GID4: variants seen among roughly 807,000 people sequenced by gnomAD.
GID4 encodes GID complex subunit 4 homolog, also known as glucose-induced degradation protein 4 homolog.
Under a neutral mutation model 32.4 loss-of-function variants are expected in GID4, and 7 were observed. That is an observed-to-expected ratio of 0.22 (90% CI 0.12 to 0.41). GID4 has a LOEUF of 0.41. Among genes scored for constraint, GID4 ranks in the 10% least tolerant of loss-of-function variants. The pLI is 1.00. For missense variants in GID4, 309 were observed against 400.0 expected (o/e 0.77, Z 1.94); for synonymous variants, 166 against 170.0 (o/e 0.98, Z 0.18).
In GID4 at chr17:18,066,929, G is replaced by C. The variant is rs1394078229; in HGVS notation, c.*1686G>C. ...GAGGGGCAACCTACCCATTCAGGAA[G>C]GTCAGGGCTTTGGAACCCTAAAAAG... is the stretch of plus-strand genomic sequence containing the variant. On this transcript the variant is annotated 3_prime_UTR_variant, in exon 6 of 6. Transcript: ENST00000268719. The C allele has an allele frequency of 6.6e-6, 1 of 152,190 alleles. No homozygotes were observed. The highest frequency in any genetic ancestry group is 1.5e-5 in the Non-Finnish European group (1 of 68,052). 9.4% of individuals were successfully genotyped at this position (152,190 alleles called of 1,614,324 possible).
At chr17:18,057,195 G>T (rs1597697293) in intron 3 of GID4, 2 of 826,032 alleles carry the variant, frequency 2.4e-6, no homozygotes, top group East Asian at 5.6e-5. Flanking sequence ...ACTTTGGGAG[G>T]CCGAGGCAGA....
At chr17:18,059,836 A>G (rs937606000) in intron 4 of GID4, among the ~76,000 whole-genome samples, 2 of 152,048 alleles carry the variant, frequency 1.3e-5, no homozygotes, top group East Asian at 3.9e-4. Context: ...CTGTAATCCC[A>G]GCACTTTGGG....
intron 2 of GID4, among the ~76,000 whole-genome samples, chr17:18,052,745 A>C (rs901828391): frequency 6.6e-6 from 1 of 152,190 alleles, no homozygotes; most frequent in Non-Finnish European, 1.5e-5. Flanking sequence ...GCAATTAACA[A>C]AGCACCCAAG....
Position 18,058,869 on chromosome 17 carries a change from G to C in GID4, c.608G>C (p.Gly203Ala). The C allele has an allele frequency of 6.3e-7, 1 of 1,599,546 alleles. No individual in the cohort carries two copies. Among genetic ancestry groups the C allele is most frequent in the Non-Finnish European group, 8.6e-7 (1 of 1,167,010 alleles). ...ADEDVDRKHWGKFLAFYQYAK... is the reference protein window; with the variant it reads ...ADEDVDRKHWAKFLAFYQYAK... ...GCACACTCTCTTTTCTGCTTTCAGGGCAAGTTTCTGGCTTTTTATCAGTAT... is the reference window on the plus strand; with the variant it reads ...GCACACTCTCTTTTCTGCTTTCAGGCCAAGTTTCTGGCTTTTTATCAGTAT... Residue 203 changes from glycine to alanine, a missense_variant and splice_region_variant, in exon 4 of 6, where the codon GGC becomes GCC. By Grantham distance (60) the Gly-to-Ala change is moderately conservative (BLOSUM62 0). Coordinates refer to ENST00000268719, the MANE Select transcript of GID4 (RefSeq NM_024052.5).
At chr17:18,052,385 C>G (rs2044920006) in intron 2 of GID4, among the ~76,000 whole-genome samples, 1 of 152,206 alleles carries the variant, frequency 6.6e-6, no homozygotes, top group African/African-American at 2.4e-5. Context: ...GTGGCAGCCT[C>G]TCTCAGGAAG....
At position 18,039,423 on chromosome 17, in the gene GID4, T is replaced by G; in HGVS notation, c.-42T>G. The G allele has an allele frequency of 1.6e-5, 20 of 1,241,268 alleles. No individual in the cohort carries two copies. The highest frequency in any genetic ancestry group is 2.1e-5 in the Non-Finnish European group (20 of 931,478). The allele number at this position is 1,241,268 out of a possible 1,614,324, so 76.9% of individuals were successfully genotyped here. The stretch of plus-strand genomic sequence containing the variant: ...GGGGCGGGGTGTGTGTGTGTCTGTG[T>G]GTGTTTGTGTGTTGTGTGTCTGTGA... On this transcript the variant is annotated 5_prime_UTR_variant, in exon 1 of 6. Coordinates refer to ENST00000268719, the MANE Select transcript of GID4 (RefSeq NM_024052.5). This position sits in a 1 kb window ranked among gnomAD's most constrained non-coding sequence, Gnocchi z 5.3.
chr17:18,039,479 G>T lies in GID4; in HGVS notation c.15G>T (p.Gly5=), dbSNP rs1001096676. 6 of 1,335,652 alleles carry T rather than the reference G, an allele frequency of 4.5e-6. No homozygotes were observed. The highest frequency in any genetic ancestry group is 3.1e-5 in the African/African-American group (2 of 65,068). 82.7% of individuals were successfully genotyped at this position (1,335,652 alleles called of 1,614,324 possible). The change falls in exon 1 of 6, where the codon GGG becomes GGT. Residue 5 remains glycine, a synonymous_variant. Coordinates refer to ENST00000268719, the MANE Select transcript of GID4 (RefSeq NM_024052.5). This position sits in a 1 kb window ranked among gnomAD's most constrained non-coding sequence, Gnocchi z 5.3. MCAR[G]QVGRGTQLRT... ...TGTGTGTGTGTATGTGTGCGCGAGGGCAAGTCGGGAGGGGGACCCAGCTCA... is the reference window on the plus strand; with the variant it reads ...TGTGTGTGTGTATGTGTGCGCGAGGTCAAGTCGGGAGGGGGACCCAGCTCA...
chr17:18,061,619 C>T lies in GID4; in HGVS notation c.709-226C>T, dbSNP rs1179506571. On this transcript the variant is annotated intron_variant, in intron 4 of 5. Transcript: ENST00000268719. This position sits in a 1 kb window ranked among gnomAD's most constrained non-coding sequence, Gnocchi z 4.4. ...ATTGCTGATCCTAGTGAGCTCAAGACACAGTTTGTCACTTTAGTATATAGA... is the reference window on the plus strand; with the variant it reads ...ATTGCTGATCCTAGTGAGCTCAAGATACAGTTTGTCACTTTAGTATATAGA... Among the ~76,000 whole-genome samples, 1 of 152,184 alleles carries T rather than the reference C, an allele frequency of 6.6e-6. No homozygotes were observed. The highest frequency in any genetic ancestry group is 1.5e-5 in the Non-Finnish European group (1 of 68,028).
intron 2 of GID4, among the ~76,000 whole-genome samples, chr17:18,053,276 G>C (rs1222015257): frequency 3.3e-5 from 5 of 149,920 alleles, no homozygotes; most frequent in African/African-American, 1.2e-4. Flanking sequence ...GCCTCCCAAA[G>C]TGCTGGGATT....
intron 1 of GID4, among the ~76,000 whole-genome samples, chr17:18,044,799 CAG>C (rs1193569164): frequency 3.3e-5 from 5 of 152,188 alleles, no homozygotes; most frequent in Non-Finnish European, 7.3e-5. Context: ...CAGGCAGAGA[CAG>C]AGGCCCTGTG....
At chr17:18,055,112 A>T (rs567770889) in intron 3 of GID4, among the ~76,000 whole-genome samples, 25 of 151,100 alleles carry the variant, frequency 1.7e-4, no homozygotes, top group African/African-American at 5.8e-4. Context: ...CGGAGCTTGC[A>T]GTGAGCCGAG....
chr17:18,062,836 G>C (rs1387978960), intron 5 of GID4, among the ~76,000 whole-genome samples: 2 of 152,114 alleles, frequency 1.3e-5, no homozygotes. Context: ...AGCACTTTGG[G>C]AGGCCGAGGC....
intron 3 of GID4, chr17:18,056,705 C>T (rs1384846979): frequency 1.3e-6 from 2 of 1,548,904 alleles, no homozygotes; most frequent in East Asian, 2.4e-5. Context: ...TCCGTTAGAA[C>T]ATTGGAAGAT....
intron 3 of GID4, 45 bp downstream of exon 3, chr17:18,054,279 G>A (rs1198686420): frequency 8.4e-7 from 1 of 1,188,790 alleles, no homozygotes; most frequent in East Asian, 2.4e-5. Flanking sequence ...GGCTGCTAGA[G>A]AATTGAAGAA....
intron 1 of GID4, among the ~76,000 whole-genome samples, chr17:18,041,173 A>C (rs1307096361): frequency 6.6e-6 from 1 of 151,956 alleles, no homozygotes; most frequent in East Asian, 1.9e-4. Context: ...TCCCTCTGAA[A>C]GGCACTGTGT....
At chr17:18,059,869 A>G (rs2045003103) in intron 4 of GID4, among the ~76,000 whole-genome samples, 2 of 151,932 alleles carry the variant, frequency 1.3e-5, no homozygotes, top group African/African-American at 4.8e-5. Flanking sequence ...GCAGATCATG[A>G]GGTCAAGAGA....
chr17:18,052,944 G>T (rs1373102438), intron 2 of GID4, among the ~76,000 whole-genome samples: 1 of 150,594 alleles, frequency 6.6e-6, no homozygotes, highest in Non-Finnish European at 1.5e-5. Context: ...TACCTTCAGG[G>T]ACCATTTGTA....
chr17:18,058,532 G>C (rs940394691), intron 3 of GID4, among the ~76,000 whole-genome samples: 3 of 152,156 alleles, frequency 2.0e-5, no homozygotes, highest in African/African-American at 7.2e-5. Flanking sequence ...TACTTGCAGA[G>C]GTCTTCTCAT....
At chr17:18,054,372 C>A in intron 3 of GID4, 138 bp downstream of exon 3, 1 of 538,170 alleles carries the variant, frequency 1.9e-6, no homozygotes, top group Non-Finnish European at 3.3e-6. Flanking sequence ...GCACACAGAC[C>A]TCAGTTGTTC....
Sources: gnomAD v4.1 joint callset for allele counts (sites outside exome capture counted in the v4.1 genomes callset) on GRCh38, gnomAD v4.1.1 for gene constraint, Gnocchi (gnomAD v3.1) non-coding constraint, MANE v1.5 for transcripts, NCBI Gene and HGNC (gene_info 2026-07-23, HGNC 2026-07-21) for gene names.